NTAQ1: variants seen among roughly 807,000 people sequenced by gnomAD.
NTAQ1 encodes protein N-terminal glutamine amidohydrolase.
NTAQ1 carries 21 observed loss-of-function variants against 28.2 expected under a neutral mutation model. The ratio of observed to expected loss-of-function variants is 0.74; its 90% CI spans 0.53 to 1.07. The LOEUF (loss-of-function observed/expected upper bound fraction) is 1.07, where lower values mean the gene tolerates loss of function less well. Ranked by LOEUF, NTAQ1 falls within the 50% of genes least tolerant of loss-of-function variation. The pLI is 0.00. For synonymous variants in NTAQ1, 105 were observed against 90.0 expected, an observed-to-expected ratio of 1.17 and a Z score of -0.94; for missense variants, 264 against 256.6, an observed-to-expected ratio of 1.03 and a Z score of -0.20.
chr8:123,432,297 T>C (rs1350727894), intron 3 of NTAQ1, among the ~76,000 whole-genome samples: 2 of 152,220 alleles, frequency 1.3e-5, no homozygotes, highest in Non-Finnish European at 2.9e-5. Context: ...GATAAAAGTC[T>C]ATGACATCAC....
intron 6 of NTAQ1, among the ~76,000 whole-genome samples, chr8:123,461,753 T>A (rs1377127045): frequency 6.6e-6 from 1 of 152,032 alleles, no homozygotes; most frequent in Non-Finnish European, 1.5e-5. Flanking sequence ...TAAGGATTTA[T>A]TGAAAGGAAA....
At chr8:123,449,911 A>ATGTGTG (rs68002945), downstream of NTAQ1, among the ~76,000 whole-genome samples, 2 of 88,196 alleles carry the variant, frequency 2.3e-5, no homozygotes, top group African/African-American at 4.8e-5. Context: ...ATATGTATAT[A>ATGTGTG]TGTGTGTGTA....
downstream of NTAQ1, among the ~76,000 whole-genome samples, chr8:123,474,212 G>GT (rs900360548): frequency 3.3e-5 from 5 of 152,092 alleles, no homozygotes; most frequent in African/African-American, 9.7e-5. Context: ...CCCATTAACG[G>GT]TTTTTTCTGA....
downstream of NTAQ1, among the ~76,000 whole-genome samples, chr8:123,473,744 C>G (rs1472652034): frequency 6.6e-6 from 1 of 152,128 alleles, no homozygotes; most frequent in African/African-American, 2.4e-5. Flanking sequence ...CTTTGATCTT[C>G]TCTGCTAGGT....
At chr8:123,455,290 A>G (rs538622817) in intron 6 of NTAQ1, among the ~76,000 whole-genome samples, 2 of 152,166 alleles carry the variant, frequency 1.3e-5, no homozygotes, top group Non-Finnish European at 2.9e-5. Flanking sequence ...CCTACAGTAT[A>G]AACATGGGCA....
downstream of NTAQ1, among the ~76,000 whole-genome samples, chr8:123,474,724 G>A (rs920797220): frequency 1.3e-5 from 2 of 152,166 alleles, no homozygotes; most frequent in African/African-American, 4.8e-5. Context: ...GGCCAACATG[G>A]TGAAACCTTG....
chr8:123,437,337 G>A lies in NTAQ1; in HGVS notation c.508+3G>A, dbSNP rs1814782660. 1 of 1,613,644 alleles carries A rather than the reference G, an allele frequency of 6.2e-7. No individual in the cohort carries two copies. The highest frequency in any genetic ancestry group is 1.7e-5 in the Admixed American group (1 of 59,938). On this transcript the variant is annotated splice_donor_region_variant and intron_variant, in intron 5 of 5. Coordinates refer to ENST00000287387, the MANE Select transcript of NTAQ1 (RefSeq NM_018024.3). ...ATATCCCTGCATTGAGACTGGAGGT[G>A]AGCCAAGATGCCTTCTCAGATGGGG...
At chr8:123,432,671 T>A (rs1039630208) in intron 3 of NTAQ1, among the ~76,000 whole-genome samples, 1 of 118,646 alleles carries the variant, frequency 8.4e-6, no homozygotes, top group Non-Finnish European at 1.7e-5. Flanking sequence ...TTTCTTTTTT[T>A]AAATTTTATT....
At chr8:123,432,916 G>T (rs1004876733) in intron 3 of NTAQ1, among the ~76,000 whole-genome samples, 8 of 152,140 alleles carry the variant, frequency 5.3e-5, no homozygotes, top group Non-Finnish European at 8.8e-5. Flanking sequence ...CTGACCTCAA[G>T]TGATCCGCCC....
At chr8:123,456,557 G>A (rs1224065227) in intron 6 of NTAQ1, among the ~76,000 whole-genome samples, 1 of 152,178 alleles carries the variant, frequency 6.6e-6, no homozygotes, top group Non-Finnish European at 1.5e-5. Flanking sequence ...AATTACACCA[G>A]AATAAAGTAT....
intron 1 of NTAQ1, among the ~76,000 whole-genome samples, chr8:123,425,683 T>C (rs1586932595): frequency 6.6e-6 from 1 of 152,156 alleles, no homozygotes; most frequent in Non-Finnish European, 1.5e-5. Flanking sequence ...TGTTCATGCC[T>C]TGCTTCATTT....
chr8:123,450,662 T>G (rs1815463843), downstream of NTAQ1, among the ~76,000 whole-genome samples: 1 of 152,192 alleles, frequency 6.6e-6, no homozygotes, highest in African/African-American at 2.4e-5. Context: ...CCTTGGTTCA[T>G]GCAGCCCTTC....
downstream of NTAQ1, among the ~76,000 whole-genome samples, chr8:123,443,858 C>T (rs1815170393): frequency 6.6e-6 from 1 of 152,176 alleles, no homozygotes; most frequent in African/African-American, 2.4e-5. Flanking sequence ...CAGGTGTGAG[C>T]CACTGCGCCT....
rs1223234021 is a variant in NTAQ1 at position 123,433,389 on chromosome 8, C to T, written c.235-3064C>T. Among the ~76,000 whole-genome samples the T allele has an allele frequency of 2.6e-5, 4 of 152,320 alleles. No homozygotes were observed. In the East Asian group the frequency reaches 7.7e-4, roughly 29 times the overall value. ...GGGGTCCTTTCCTCTGTGAAACTCT[C>T]TTTGGCCATTGGGCTCCTGTCCTCT... is the stretch of plus-strand genomic sequence containing the variant. On this transcript the variant is annotated intron_variant, in intron 3 of 5. Transcript: ENST00000287387.
Position 123,430,006 on chromosome 8 carries a change from G to A in NTAQ1, c.207G>A (p.Ala69=), listed in dbSNP as rs374491156. Residue 69 remains alanine (A), a synonymous_variant, in exon 3 of 6, where the codon GCG becomes GCA. Coordinates refer to ENST00000287387, the MANE Select transcript of NTAQ1 (RefSeq NM_018024.3). ...AGATACCTATCTGGAAACAACAGGC[G>A]AGACCTGGAGATGGACCTGTGATCT... ...RKMIPIWKQQ[A]RPGDGPVIWD... is the part of the protein sequence containing the mutation. 10 of 1,613,004 alleles carry A rather than the reference G, an allele frequency of 6.2e-6. No homozygotes were observed. The highest frequency in any genetic ancestry group is 4.0e-5 in the African/African-American group (3 of 74,794).
intron 6 of NTAQ1, among the ~76,000 whole-genome samples, chr8:123,461,729 G>T (rs1405089966): frequency 1.3e-5 from 2 of 152,164 alleles, no homozygotes; most frequent in East Asian, 3.9e-4. Flanking sequence ...GTCTTTCAGC[G>T]AGTAGATGCT....
chr8:123,438,200 G>T (rs1422852226), intron 5 of NTAQ1: 1 of 701,734 alleles, frequency 1.4e-6, no homozygotes, highest in African/African-American at 1.7e-5. Context: ...TATTACTATT[G>T]TTTGGCATTC....
chr8:123,455,074 C>T (rs982673444), intron 6 of NTAQ1: 4 of 152,292 alleles, frequency 2.6e-5, no homozygotes, highest in African/African-American at 7.2e-5. Context: ...CTCGGATAAA[C>T]CTCATTGGCT....
downstream of NTAQ1, among the ~76,000 whole-genome samples, chr8:123,444,351 C>T (rs553611433): frequency 2.0e-5 from 3 of 152,062 alleles, no homozygotes; most frequent in East Asian, 1.9e-4. Flanking sequence ...AGGCATGCGC[C>T]GCTACACCTG....
Sources: allele counts gnomAD v4.1 joint callset (sites outside exome capture counted in the v4.1 genomes callset), GRCh38; gene constraint gnomAD v4.1.1; transcripts MANE v1.5; gene names NCBI Gene and HGNC (gene_info 2026-07-23, HGNC 2026-07-21).